The following TAOK1 variants were observed in gnomAD, a reference collection of about 807,000 sequenced individuals.
TAOK1 encodes the protein TAO kinase 1, also known as serine/threonine-protein kinase TAO1.
Under a neutral mutation model 138.3 loss-of-function variants are expected in TAOK1, and 21 were observed. The observed-to-expected ratio is 0.15, with a 90% CI of 0.11 to 0.22. The LOEUF (loss-of-function observed/expected upper bound fraction) is 0.22, where lower values mean the gene tolerates loss of function less well. TAOK1 is among the 10% of genes least tolerant of loss of function. TAOK1 has a pLI of 1.00. For synonymous variants in TAOK1, 361 were observed against 398.4 expected (o/e 0.91, Z 1.12); for missense variants, 651 against 1,227.7 (o/e 0.53, Z 7.02).
chr17:29,483,192 C>T (rs2031099022), intron 8 of TAOK1, among the ~76,000 whole-genome samples: 1 of 152,184 alleles, frequency 6.6e-6, no homozygotes. Context: ...ATCCTCCCAC[C>T]TCAGCCTCCT....
chr17:29,405,106 A>G (rs1045687504), intron 1 of TAOK1, among the ~76,000 whole-genome samples: 3 of 152,206 alleles, frequency 2.0e-5, no homozygotes, highest in Non-Finnish European at 4.4e-5. Flanking sequence ...CAGCCTCCCA[A>G]GTAGCTGAGA....
At chr17:29,437,827 AGGTTC>A (rs957050927) in intron 1 of TAOK1, among the ~76,000 whole-genome samples, 1 of 79,276 alleles carries the variant, frequency 1.3e-5, no homozygotes, top group Admixed American at 1.2e-4. Context: ...TCTGCCTCCC[AGGTTC>A]AACGATTCTC....
Position 29,549,083 on chromosome 17 carries a change from AC to A in TAOK1, c.*6062del, listed in dbSNP as rs1339125271. ...GTTTATGTAAATTATGCAGGTGATA[AC>A]ATGGTTTGGAACTGTTTATTGGGCT... On this transcript the variant is annotated 3_prime_UTR_variant, in exon 20 of 20. Coordinates refer to ENST00000261716, the MANE Select transcript of TAOK1 (RefSeq NM_020791.4). 2 of 152,192 alleles carry A rather than the reference AC, an allele frequency of 1.3e-5. No homozygotes were observed. The highest frequency in any genetic ancestry group is 2.4e-5 in the African/African-American group (1 of 41,458). The allele number at this position is 152,192 out of a possible 1,614,324, so 9.4% of individuals were successfully genotyped here.
chr17:29,528,709 G>A (rs1598523831), intron 17 of TAOK1, among the ~76,000 whole-genome samples: 2 of 151,804 alleles, frequency 1.3e-5, no homozygotes, highest in South Asian at 2.1e-4. Context: ...GCTTGGTGGT[G>A]CAAGCCTGTA....
intron 1 of TAOK1, among the ~76,000 whole-genome samples, chr17:29,449,710 G>A (rs1336886760): frequency 6.6e-6 from 1 of 151,838 alleles, no homozygotes; most frequent in Non-Finnish European, 1.5e-5. Flanking sequence ...GGGCGGTGGT[G>A]CGTGCCTGTA....
chr17:29,489,389 T>C (rs911856810), intron 8 of TAOK1, among the ~76,000 whole-genome samples: 4 of 152,022 alleles, frequency 2.6e-5, no homozygotes, highest in Non-Finnish European at 4.4e-5. Flanking sequence ...TCCCAGCTAC[T>C]CGGGAGGCCG....
chr17:29,485,046 G>A (rs1375428204), intron 8 of TAOK1, among the ~76,000 whole-genome samples: 1 of 152,000 alleles, frequency 6.6e-6, no homozygotes, highest in Admixed American at 6.6e-5. Context: ...ACCATTATTG[G>A]TCTTGATAAA....
At chr17:29,482,077 T>C (rs1347231105) in intron 7 of TAOK1, 120 bp from the exon 8 acceptor site, 7 of 652,310 alleles carry the variant, frequency 1.1e-5, no homozygotes, top group African/African-American at 1.8e-5. Context: ...AAAATTCTTA[T>C]GTCCAGATAT....
chr17:29,472,854 G>T (rs1300244658), intron 3 of TAOK1, among the ~76,000 whole-genome samples: 1 of 152,232 alleles, frequency 6.6e-6, no homozygotes, highest in Non-Finnish European at 1.5e-5. Flanking sequence ...GGGATTACAG[G>T]CGTGAGCCAC....
intron 8 of TAOK1, among the ~76,000 whole-genome samples, chr17:29,482,654 CT>C (rs1309917359): frequency 6.7e-6 from 1 of 150,272 alleles, no homozygotes; most frequent in Non-Finnish European, 1.5e-5. Flanking sequence ...GTAGTTACTA[CT>C]TTTTTTTTAA....
chr17:29,403,476 G>A (rs1332836349), intron 1 of TAOK1, among the ~76,000 whole-genome samples: 1 of 152,052 alleles, frequency 6.6e-6, no homozygotes, highest in Non-Finnish European at 1.5e-5. Flanking sequence ...TACTTGATAA[G>A]GAAACTTTGC....
At chr17:29,456,339 G>A (rs941921127) in intron 2 of TAOK1, among the ~76,000 whole-genome samples, 2 of 150,000 alleles carry the variant, frequency 1.3e-5, no homozygotes, top group Non-Finnish European at 2.9e-5. Flanking sequence ...GGGATAGAGC[G>A]AGACTCTGTC....
At chr17:29,512,147 C>G (rs999628512) in intron 15 of TAOK1, 1 of 142,402 alleles carries the variant, frequency 7.0e-6, no homozygotes, top group African/African-American at 2.6e-5. Context: ...CCCCTCCCCC[C>G]AGGTTGAAAG....
chr17:29,391,307 A>T (rs1904418701), intron 1 of TAOK1, among the ~76,000 whole-genome samples: 1 of 152,022 alleles, frequency 6.6e-6, no homozygotes, highest in Non-Finnish European at 1.5e-5. Flanking sequence ...GACTGGGTTG[A>T]TGTGCACCCC....
At chr17:29,536,800 C>T (rs942467970) in intron 19 of TAOK1, among the ~76,000 whole-genome samples, 33 of 149,726 alleles carry the variant, frequency 2.2e-4, no homozygotes, top group Admixed American at 8.7e-4. Context: ...CCCGGGTTTA[C>T]GCCATTCTCC....
chr17:29,453,622 G>GC (rs1344493871), intron 2 of TAOK1, among the ~76,000 whole-genome samples: 2 of 151,358 alleles, frequency 1.3e-5, no homozygotes, highest in African/African-American at 4.9e-5. Flanking sequence ...TGTTGCCCAG[G>GC]CTGGAGTGCA....
In TAOK1 at chr17:29,544,843, T is replaced by A. The variant is rs966090944; in HGVS notation, c.*1821T>A. On this transcript the variant is annotated 3_prime_UTR_variant, in exon 20 of 20. Coordinates refer to ENST00000261716, the MANE Select transcript of TAOK1 (RefSeq NM_020791.4). ...GGGCTCCAAGGTAGAACTCTCTAAG[T>A]CCCTCTCAATGGCACTCTTTGCCTA... 6.6e-6 allele frequency: 1 copy of A among 152,174 alleles called. No individual in the cohort carries two copies. The highest frequency in any genetic ancestry group is 2.4e-5 in the African/African-American group (1 of 41,446). The allele number at this position is 152,174 out of a possible 1,614,324, so 9.4% of individuals were successfully genotyped here.
intron 9 of TAOK1, 84 bp from the exon 10 acceptor site, chr17:29,491,700 C>T: frequency 1.1e-6 from 1 of 935,502 alleles, no homozygotes; most frequent in East Asian, 2.4e-5. Flanking sequence ...TTTCCCCTCC[C>T]ACCAATAGGC....
intron 3 of TAOK1, 107 bp from the exon 4 acceptor site, chr17:29,475,563 T>G (rs2030926349): frequency 1.4e-6 from 1 of 739,454 alleles, no homozygotes; most frequent in South Asian, 2.0e-5. Flanking sequence ...CCAAGCAAAG[T>G]TGCATGTTCT....
Sources: gnomAD v4.1 joint callset for allele counts (sites outside exome capture counted in the v4.1 genomes callset) on GRCh38, gnomAD v4.1.1 for gene constraint, MANE v1.5 for transcripts, NCBI Gene and HGNC (gene_info 2026-07-23, HGNC 2026-07-21) for gene names.